ZNF417: variants seen among roughly 807,000 people sequenced by gnomAD.
ZNF417 encodes the protein zinc finger protein 417.
Under a neutral mutation model 7.4 loss-of-function variants are expected in ZNF417, and 5 were observed. The ratio of observed to expected loss-of-function variants is 0.68; its 90% confidence interval spans 0.35 to 1.43. ZNF417 has a LOEUF of 1.43. Ranked by LOEUF, ZNF417 falls within the 40% of genes most tolerant of loss-of-function variation. The pLI is 0.04. For missense variants in ZNF417, 437 were observed against 697.3 expected, an observed-to-expected ratio of 0.63 and a Z score of 4.20; for synonymous variants, 147 against 239.1, an observed-to-expected ratio of 0.61 and a Z score of 3.55.
intron 2 of ZNF417, among the ~76,000 whole-genome samples, chr19:57,910,597 G>A (rs1481579176): frequency 6.6e-6 from 1 of 151,994 alleles, no homozygotes; most frequent in African/African-American, 2.4e-5. Flanking sequence ...TAGCATTACT[G>A]GGCTATAAAG....
rs758480494 is a variant in ZNF417, at chr19:57,908,616, T to C, written c.1662A>G (p.Gly554=). 5.6e-6 allele frequency: 9 copies of C among 1,613,886 alleles called. No homozygotes were observed. The Admixed American group carries it at 8.3e-5, about 15-fold the overall frequency. The change falls in exon 3 of 3, where the codon GGA becomes GGG. Residue 554 remains glycine, a synonymous_variant. Coordinates refer to ENST00000312026, the MANE Select transcript of ZNF417 (RefSeq NM_152475.3). Reference sequence around the variant, plus strand: ...GGGTAGAGCTTCGCTGAAATGTTTTTCCACATTTGGTACATTCATAAGGCC... The same window carrying C: ...GGGTAGAGCTTCGCTGAAATGTTTTCCCACATTTGGTACATTCATAAGGCC... ...GERPYECTKC[G]KTFQRSSTLL...
At position 57,912,194 on chromosome 19, in the gene ZNF417, G is replaced by A. The variant is rs552735026; in HGVS notation, c.34-5C>T. The A allele has an allele frequency of 1.9e-6, 3 of 1,611,958 alleles. No individual in the cohort carries two copies. The African/African-American group carries it at 4.0e-5, about 22-fold the overall frequency. On this transcript the variant is annotated splice_region_variant and splice_polypyrimidine_tract_variant and intron_variant, in intron 1 of 2. Coordinates refer to ENST00000312026, the MANE Select transcript of ZNF417 (RefSeq NM_152475.3). ...TTCAAAGGTCACAGTGCCCTGCTAT[G>A]ATAGTGACAGATGAAACCACAAACA...
chr19:57,916,568 GC>G lies in ZNF417; in HGVS notation c.-158del. On this transcript the variant is annotated 5_prime_UTR_variant, in exon 1 of 3. Transcript: ENST00000312026. ...GGGGCCACAAACTGGGGAAACACCC[GC>G]GTCACCGATACACAGCCGCTACTAG... 1.3e-6 allele frequency: 2 copies of G among 1,491,594 alleles called. No homozygotes were observed. Among genetic ancestry groups the G allele is most frequent in the Non-Finnish European group, 1.8e-6 (2 of 1,122,732 alleles). The allele number at this position is 1,491,594 out of a possible 1,614,324, so 92.4% of individuals were successfully genotyped here. A position where few individuals can be genotyped will look rare whatever the true frequency, so the allele number is the denominator to read the frequency against.
At chr19:57,915,463 G>C in intron 1 of ZNF417, 1 of 485,516 alleles carries the variant, frequency 2.1e-6, no homozygotes, top group Non-Finnish European at 3.8e-6. Context: ...CCCTCCCTGT[G>C]CTTGTTGCTC....
At chr19:57,915,739 G>T in intron 1 of ZNF417, 2 of 408,050 alleles carry the variant, frequency 4.9e-6, no homozygotes, top group Admixed American at 4.3e-5. Context: ...GCCTTTGCAG[G>T]ACTAACGAAT....
Position 57,908,600 on chromosome 19 carries a change from T to C in ZNF417, c.1678A>G (p.Ser560Gly). 1 of 1,613,830 alleles carries C rather than the reference T, an allele frequency of 6.2e-7. No individual in the cohort carries two copies. Among genetic ancestry groups the C allele is most frequent in the Non-Finnish European group, 8.5e-7 (1 of 1,180,000 alleles). ...CTKCGKTFQR[S>G]STLLHHQSSH... ...CTCTGATGATGAAGGAGGGTAGAGC[T>C]TCGCTGAAATGTTTTTCCACATTTG... Residue 560 changes from serine (S) to glycine (G), a missense_variant, in exon 3 of 3, where the codon AGC becomes GGC. Ser to Gly is a moderately conservative substitution (Grantham distance 56). Coordinates refer to ENST00000312026, the MANE Select transcript of ZNF417 (RefSeq NM_152475.3).
Position 57,916,342 on chromosome 19 carries a change from T to C in ZNF417, c.33+37A>G, listed in dbSNP as rs1398656213. On this transcript the variant is annotated intron_variant, in intron 1 of 2. Coordinates refer to ENST00000312026, the MANE Select transcript of ZNF417 (RefSeq NM_152475.3). The stretch of plus-strand genomic sequence containing the variant: ...CGCTGGTTTAGGACCTGGGTGACGA[T>C]GGGGTGACCTGAGGGCACAGAAGGC... The C allele has an allele frequency of 6.8e-6, 11 of 1,614,112 alleles. No individual in the cohort carries two copies. The East Asian group carries it at 1.6e-4, about 23-fold the overall frequency.
chr19:57,911,619 T>C (rs1355794170), intron 2 of ZNF417, among the ~76,000 whole-genome samples: 2 of 152,060 alleles, frequency 1.3e-5, no homozygotes, highest in Non-Finnish European at 2.9e-5. Flanking sequence ...AAGGTAAGTA[T>C]TACAAAAGAA....
At position 57,909,534 on chromosome 19, in the gene ZNF417, G is replaced by C; in HGVS notation, c.744C>G (p.Ser248=). 2 of 1,611,124 alleles carry C rather than the reference G, an allele frequency of 1.2e-6. No homozygotes were observed. The highest frequency in any genetic ancestry group is 1.7e-6 in the Non-Finnish European group (2 of 1,178,802). The change falls in exon 3 of 3, where the codon TCC becomes TCG. Residue 248 remains serine (S), a synonymous_variant. Coordinates refer to ENST00000312026, the MANE Select transcript of ZNF417 (RefSeq NM_152475.3). ...TACTGAAGCTGACATATCTGCTAAA[G>C]GATTTTCCACAATCACTGCACACAT... ...GCYVCSDCGK[S]FSRYVSFSNH...
At chr19:57,911,936 A>G in intron 2 of ZNF417, 124 bp downstream of exon 2, 2 of 1,461,196 alleles carry the variant, frequency 1.4e-6, no homozygotes, top group Non-Finnish European at 1.8e-6. Context: ...CACACAACTT[A>G]CATAGAGAAG....
At chr19:57,915,423 C>G (rs1225777531) in intron 1 of ZNF417, 2 of 405,094 alleles carry the variant, frequency 4.9e-6, no homozygotes, top group South Asian at 2.4e-5. Context: ...ATCCTCCCGG[C>G]TCCGTCCATC....
In ZNF417 at chr19:57,911,432, C is replaced by A. The variant is rs573887437; in HGVS notation, c.163+628G>T. Among the ~76,000 whole-genome samples the A allele has an allele frequency of 2.0e-5, 3 of 152,284 alleles. No individual in the cohort carries two copies. In the South Asian group the frequency reaches 6.2e-4, roughly 32 times the overall value. Reference sequence around the variant, plus strand: ...CATGGCACTCCTGAGGGACAGGCTCCCTTTGAGCCTATCGTGATGAGCCTG... The same window carrying A: ...CATGGCACTCCTGAGGGACAGGCTCACTTTGAGCCTATCGTGATGAGCCTG... On this transcript the variant is annotated intron_variant, in intron 2 of 2. Coordinates refer to ENST00000312026, the MANE Select transcript of ZNF417 (RefSeq NM_152475.3).
At position 57,916,417 on chromosome 19, in the gene ZNF417, T is replaced by A; in HGVS notation, c.-6A>T. 6.2e-7 allele frequency: 1 copy of A among 1,613,024 alleles called. No individual in the cohort carries two copies. The highest frequency in any genetic ancestry group is 1.1e-5 in the South Asian group (1 of 91,076). ...CTCGGCGCAGCCGCTGCCATCGGAC[T>A]ACTTGGGGAAGCACGGCCCGGGAGC... On this transcript the variant is annotated 5_prime_UTR_variant, in exon 1 of 3. Coordinates refer to ENST00000312026, the MANE Select transcript of ZNF417 (RefSeq NM_152475.3).
Position 57,908,690 on chromosome 19 carries a change from C to A in ZNF417, c.1588G>T (p.Ala530Ser), listed in dbSNP as rs146109400. The change falls in exon 3 of 3, where the codon GCT becomes TCT. Residue 530 changes from alanine (A) to serine (S), a missense_variant. Physicochemically the swap from Ala to Ser is moderately conservative, Grantham distance 99. Transcript: ENST00000312026. ...TGTTTAATGAGACTGGAACATTCAG[C>A]AAAGGATTTTCCACATTCACTGCAC... ...YKCSECGKSF[A>S]ECSSLIKHRR... is the part of the protein sequence containing the mutation. 1,100 of 1,612,500 alleles carry A rather than the reference C, an allele frequency of 6.8e-4. 2 individuals carry two copies. The highest frequency in any genetic ancestry group is 5.8e-3 in the African/African-American group (431 of 74,170).
Position 57,912,138 on chromosome 19 carries a change from A to T in ZNF417, c.85T>A (p.Trp29Arg). The change falls in exon 2 of 3, where the codon TGG (tryptophan) becomes AGG (arginine). Residue 29 changes from tryptophan to arginine, a missense_variant. Trp to Arg is a moderately radical substitution (Grantham distance 101, BLOSUM62 -3). This residue lies in a region of ZNF417 where 57 missense variants were observed against 70.7 expected (regional missense o/e 0.81). Transcript: ENST00000312026. ...DVAVNFSQEE[W>R]CLLSEAQRCL... ...CTCTGAGCCTCACTAAGAAGACACC[A>T]CTCCTCCTGGGAAAAGTTCACAGCC... 1 of 1,612,152 alleles carries T rather than the reference A, an allele frequency of 6.2e-7. No homozygotes were observed. Among genetic ancestry groups the T allele is most frequent in the Non-Finnish European group, 8.5e-7 (1 of 1,179,356 alleles).
In ZNF417 at chr19:57,909,397, G is replaced by A; in HGVS notation, c.881C>T (p.Thr294Ile). 6.2e-7 allele frequency: 1 copy of A among 1,614,058 alleles called. No individual in the cohort carries two copies. Among genetic ancestry groups the A allele is most frequent in the Non-Finnish European group, 8.5e-7 (1 of 1,179,920 alleles). ...CCCGCACTCCTCACAGGGATAAGCT[G>A]TCTTTCCAGTGTGGACTCGCTGATG... is the stretch of plus-strand genomic sequence containing the variant. Reference protein sequence around the residue: ...IQHQRVHTGKTAYPCEECGKS... With the variant: ...IQHQRVHTGKIAYPCEECGKS... Residue 294 changes from threonine to isoleucine, a missense_variant, in exon 3 of 3, where the codon ACA becomes ATA. Physicochemically the swap from Thr to Ile is moderately conservative, Grantham distance 89 (BLOSUM62 -1). This residue lies in a region of ZNF417 where 34 missense variants were observed against 33.3 expected (regional missense o/e 1.02). Coordinates refer to ENST00000312026, the MANE Select transcript of ZNF417 (RefSeq NM_152475.3).
At chr19:57,912,446 A>T (rs2122533574) in intron 1 of ZNF417, among the ~76,000 whole-genome samples, 1 of 152,314 alleles carries the variant, frequency 6.6e-6, no homozygotes, top group South Asian at 2.1e-4. Flanking sequence ...AGCGATATCC[A>T]AGCTCATGTA....
chr19:57,915,526 T>C, intron 1 of ZNF417: 1 of 458,080 alleles, frequency 2.2e-6, no homozygotes, highest in Non-Finnish European at 4.0e-6. Context: ...CTTTGCAAAA[T>C]TATAACTGAG....
Position 57,910,134 on chromosome 19 carries a change from G to A in ZNF417, c.164-20C>T. On this transcript the variant is annotated intron_variant, in intron 2 of 2. Transcript: ENST00000312026. ...AACAACCTGAGAGCAAGAAAATGCT[G>A]GTCAAGTGCAAAGTACCTCTGACGG... 4 of 1,603,540 alleles carry A rather than the reference G, an allele frequency of 2.5e-6. No homozygotes were observed. The highest frequency in any genetic ancestry group is 1.1e-5 in the South Asian group (1 of 90,268).
Sources: allele counts gnomAD v4.1 joint callset (sites outside exome capture counted in the v4.1 genomes callset), GRCh38; gene constraint gnomAD v4.1.1; regional missense constraint gnomAD v4.1.1; transcripts MANE v1.5; gene names NCBI Gene and HGNC (gene_info 2026-07-23, HGNC 2026-07-21).